Variants in ZNF727 observed in about 807,000 individuals in gnomAD.
ZNF727 encodes putative zinc finger protein 727.
Under a neutral mutation model 11.5 loss-of-function variants are expected in ZNF727, and 11 were observed. The observed-to-expected ratio is 0.95, with a 90% CI of 0.60 to 1.58. The LOEUF (loss-of-function observed/expected upper bound fraction) is 1.58. Among genes scored for constraint, ZNF727 ranks in the 40% most tolerant of loss-of-function variants. The pLI, the probability that ZNF727 is intolerant of heterozygous loss-of-function variation, is 0.00. For synonymous variants in ZNF727, 171 were observed against 196.1 expected (o/e 0.87, Z 1.07); for missense variants, 533 against 581.7 (o/e 0.92, Z 0.86).
In ZNF727 at chr7:64,082,009, TA is replaced by T. The variant is rs1785801166; in HGVS notation, c.*3462del. ...TTTGGCCAAATTAGGGGTTCACTGG[TA>T]ATGAGCAGTGGGTAGTTTGTGGGAC... On this transcript the variant is annotated 3_prime_UTR_variant, in exon 4 of 4. Transcript: ENST00000456806. Among the ~76,000 whole-genome samples, 1 of 152,104 alleles carries T rather than the reference TA, an allele frequency of 6.6e-6. No homozygotes were observed.
At chr7:64,065,703 C>T (rs1223479076) in intron 1 of ZNF727, among the ~76,000 whole-genome samples, 1 of 152,014 alleles carries the variant, frequency 6.6e-6, no homozygotes, top group Non-Finnish European at 1.5e-5. Context: ...CAAATGTTAA[C>T]TTCTCCACTT....
rs1424828768 is a variant in ZNF727 at position 64,078,577 on chromosome 7, G to C, written c.*28G>C. 1.3e-6 allele frequency: 2 copies of C among 1,552,982 alleles called. No individual in the cohort carries two copies. Among genetic ancestry groups the C allele is most frequent in the African/African-American group, 2.7e-5 (2 of 72,754 alleles). ...CATACTGGAGATAAACCTTACAAAT[G>C]TAATGAATGTGGAAAAGCTTTTACG... On this transcript the variant is annotated 3_prime_UTR_variant, in exon 4 of 4. Coordinates refer to ENST00000456806, the MANE Select transcript of ZNF727 (RefSeq NM_001159522.3).
At chr7:64,051,790 T>G (rs1009988760) in intron 1 of ZNF727, among the ~76,000 whole-genome samples, 5 of 152,248 alleles carry the variant, frequency 3.3e-5, no homozygotes, top group African/African-American at 1.2e-4. Context: ...AAATGTACTT[T>G]GAAATCTCTT....
chr7:64,045,687 G>A (rs1032925855), intron 1 of ZNF727, 63 bp downstream of exon 1: 2 of 1,550,290 alleles, frequency 1.3e-6, no homozygotes, highest in African/African-American at 2.7e-5. Context: ...GGTCGGAACT[G>A]GCTGCGGTGG....
At position 64,077,583 on chromosome 7, in the gene ZNF727, T is replaced by G. The variant is rs781401552; in HGVS notation, c.534T>G (p.Cys178Trp). 8 of 1,551,384 alleles carry G rather than the reference T, an allele frequency of 5.2e-6. No individual in the cohort carries two copies. In the East Asian group the frequency reaches 2.0e-4, roughly 38 times the overall value. ...SREKCYKCEE[C>W]GKDCRLSDFT... ...AGAAATGCTACAAATGTGAAGAATG[T>G]GGCAAAGACTGTAGGTTGTCAGATT... Residue 178 changes from cysteine (C) to tryptophan (W), a missense_variant, in exon 4 of 4, where the codon TGT becomes TGG. Physicochemically the swap from Cys to Trp is radical, Grantham distance 215. This residue lies in a region of ZNF727 where 463 missense variants were observed against 494.5 expected (regional missense o/e 0.94). Transcript: ENST00000456806.
intron 1 of ZNF727, among the ~76,000 whole-genome samples, chr7:64,065,852 GA>G (rs1169046573): frequency 4.0e-5 from 6 of 151,664 alleles, no homozygotes; most frequent in African/African-American, 1.5e-4. Flanking sequence ...AATAAGCCGT[GA>G]AAAAATTGTC....
chr7:64,081,770 A>G lies in ZNF727; in HGVS notation c.*3221A>G, dbSNP rs1785796678. ...AGAAATTAGGTCCAACAGTTCCCCT[A>G]GGGCTAAAGTCTCTTATGGGAGAAA... On this transcript the variant is annotated 3_prime_UTR_variant, in exon 4 of 4. Coordinates refer to ENST00000456806, the MANE Select transcript of ZNF727 (RefSeq NM_001159522.3). Among the ~76,000 whole-genome samples, 1 of 152,156 alleles carries G rather than the reference A, an allele frequency of 6.6e-6. No homozygotes were observed. The highest frequency in any genetic ancestry group is 1.5e-5 in the Non-Finnish European group (1 of 68,030).
Position 64,078,012 on chromosome 7 carries a change from T to C in ZNF727, c.963T>C (p.Phe321=), listed in dbSNP as rs1785713376. ...PYKCNECGKA[F]MWISALSQHN... is the part of the protein sequence containing the mutation. ...AATGTAATGAATGTGGAAAAGCTTTTATGTGGATCTCGGCCCTTAGTCAAC... is the reference window on the plus strand; with the variant it reads ...AATGTAATGAATGTGGAAAAGCTTTCATGTGGATCTCGGCCCTTAGTCAAC... The change falls in exon 4 of 4, where the codon TTT becomes TTC. Residue 321 remains phenylalanine (F), a synonymous_variant. Coordinates refer to ENST00000456806, the MANE Select transcript of ZNF727 (RefSeq NM_001159522.3). 1.1e-5 allele frequency: 18 copies of C among 1,606,288 alleles called. No homozygotes were observed. In the East Asian group the frequency reaches 4.1e-4, roughly 36 times the overall value.
At position 64,077,969 on chromosome 7, in the gene ZNF727, C is replaced by T; in HGVS notation, c.920C>T (p.Thr307Ile). ...SDLTKHKRIH[T>I]GEKPYKCNEC... ...CTTACTAAACATAAGAGAATTCATA[C>T]TGGAGAGAAACCCTACAAATGTAAT... The change falls in exon 4 of 4, where the codon ACT (threonine) becomes ATT (isoleucine). Residue 307 changes from threonine (T) to isoleucine (I), a missense_variant. Physicochemically the swap from Thr to Ile is moderately conservative, Grantham distance 89. Transcript: ENST00000456806. 6.3e-7 allele frequency: 1 copy of T among 1,595,480 alleles called. No homozygotes were observed. The highest frequency in any genetic ancestry group is 8.5e-7 in the Non-Finnish European group (1 of 1,170,418).
At chr7:64,069,863 T>C (rs966423251) in intron 3 of ZNF727, among the ~76,000 whole-genome samples, 11 of 152,130 alleles carry the variant, frequency 7.2e-5, no homozygotes, top group Non-Finnish European at 1.0e-4. Flanking sequence ...TTTTTGTGGG[T>C]TTTTTGAGTT....
intron 1 of ZNF727, among the ~76,000 whole-genome samples, chr7:64,065,778 C>T (rs1437816237): frequency 6.6e-6 from 1 of 152,122 alleles, no homozygotes; most frequent in Non-Finnish European, 1.5e-5. Flanking sequence ...AGTCAAGGGG[C>T]TCTGAGAAAT....
At chr7:64,051,764 T>TA (rs892846164) in intron 1 of ZNF727, among the ~76,000 whole-genome samples, 10 of 152,214 alleles carry the variant, frequency 6.6e-5, no homozygotes, top group African/African-American at 2.2e-4. Flanking sequence ...TGGAAAAAGT[T>TA]AAAGTATGTA....
In ZNF727 at chr7:64,057,555, A is replaced by AG. The variant is rs574588744; in HGVS notation, c.4-11331dup. 4.7e-4 allele frequency among the ~76,000 whole-genome samples: 71 copies of AG among 152,204 alleles called. 1 individual carries two copies. The highest frequency in any genetic ancestry group is 1.7e-3 in the African/African-American group (69 of 41,516). On this transcript the variant is annotated intron_variant, in intron 1 of 3. Coordinates refer to ENST00000456806, the MANE Select transcript of ZNF727 (RefSeq NM_001159522.3). ...GGAACAACACACCCTGGGGCCTGTCAGGGGGCGGGGAGAGCATCAGGAAGA... is the reference window on the plus strand; with the variant it reads ...GGAACAACACACCCTGGGGCCTGTCAGGGGGGCGGGGAGAGCATCAGGAAGA...
At chr7:64,059,910 T>C (rs1206313875) in intron 1 of ZNF727, among the ~76,000 whole-genome samples, 1 of 152,232 alleles carries the variant, frequency 6.6e-6, no homozygotes, top group Non-Finnish European at 1.5e-5. Flanking sequence ...TTTGTCAGTC[T>C]CTTTAAATTA....
chr7:64,047,769 A>T (rs1789531932), intron 1 of ZNF727, among the ~76,000 whole-genome samples: 1 of 152,140 alleles, frequency 6.6e-6, no homozygotes, highest in South Asian at 2.1e-4. Context: ...TCTCAACCCT[A>T]GCTTTCCTTT....
rs190413614 is a variant in ZNF727, at chr7:64,084,417, G to A, written c.*5868G>A. ...TACACTGAATGTGTATCTTGCCACT[G>A]ATGTTAACTTATCCCATCTTACCCA... On this transcript the variant is annotated 3_prime_UTR_variant, in exon 4 of 4. Transcript: ENST00000456806. Among the ~76,000 whole-genome samples, 3 of 152,266 alleles carry A rather than the reference G, an allele frequency of 2.0e-5. No homozygotes were observed. Among genetic ancestry groups the A allele is most frequent in the Admixed American group, 2.0e-4 (3 of 15,306 alleles).
chr7:64,057,913 A>G (rs1789711117), intron 1 of ZNF727, among the ~76,000 whole-genome samples: 5 of 152,084 alleles, frequency 3.3e-5, no homozygotes, highest in African/African-American at 2.4e-5. Context: ...TTCCTACCAC[A>G]TATCCATTGT....
chr7:64,046,978 GT>G (rs201543485), intron 1 of ZNF727, among the ~76,000 whole-genome samples: 4,220 of 148,068 alleles, frequency 0.029, 129 homozygotes, highest in South Asian at 0.11. Flanking sequence ...TAAGTTTTGT[GT>G]TTTTTTTTTT....
chr7:64,069,239 G>A (rs1252455118), intron 2 of ZNF727, among the ~76,000 whole-genome samples: 1 of 151,500 alleles, frequency 6.6e-6, no homozygotes, highest in Non-Finnish European at 1.5e-5. Flanking sequence ...TCTAAATTAT[G>A]GTAATATCAG....
Sources: allele counts gnomAD v4.1 joint callset (sites outside exome capture counted in the v4.1 genomes callset), GRCh38; gene constraint gnomAD v4.1.1; regional missense constraint gnomAD v4.1.1; transcripts MANE v1.5; gene names NCBI Gene and HGNC (gene_info 2026-07-23, HGNC 2026-07-21).